The following PARD3B variants were observed in gnomAD, a reference collection of about 807,000 sequenced individuals.
The protein encoded by PARD3B is partitioning defective 3 homolog B.
A neutral mutation model predicts 130.2 loss-of-function variants in PARD3B; 103 were observed. The ratio of observed to expected loss-of-function variants is 0.79; its 90% CI spans 0.67 to 0.93. PARD3B has a LOEUF of 0.93. Among genes scored for constraint, PARD3B ranks in the 40% least tolerant of loss-of-function variants. PARD3B has a pLI of 0.00. For synonymous variants in PARD3B, 583 were observed against 553.2 expected (o/e 1.05, Z -0.76); for missense variants, 1,609 against 1,499.2 (o/e 1.07, Z -1.21).
intron 2 of PARD3B, among the ~76,000 whole-genome samples, chr2:204,809,444 A>G (rs1432219086): frequency 6.6e-6 from 1 of 151,984 alleles, no homozygotes; most frequent in Non-Finnish European, 1.5e-5. Flanking sequence ...TCTTGAGTTG[A>G]TTTTTGTATA....
intron 2 of PARD3B, among the ~76,000 whole-genome samples, chr2:204,914,779 A>G (rs1163767725): frequency 6.6e-6 from 1 of 152,214 alleles, no homozygotes; most frequent in Non-Finnish European, 1.5e-5. Flanking sequence ...GGGGCAGGGA[A>G]TGAATTTCCA....
At chr2:205,104,096 T>TC (rs1703022459) in intron 4 of PARD3B, among the ~76,000 whole-genome samples, 1 of 151,932 alleles carries the variant, frequency 6.6e-6, no homozygotes, top group African/African-American at 2.4e-5. Flanking sequence ...GTCACCAGAG[T>TC]CCCCCCTTTG....
chr2:205,254,505 G>GT (rs1448057987), intron 16 of PARD3B, among the ~76,000 whole-genome samples: 2 of 152,094 alleles, frequency 1.3e-5, no homozygotes, highest in Non-Finnish European at 2.9e-5. Flanking sequence ...GATGAAGGGT[G>GT]TTTAGGTGTA....
intron 1 of PARD3B, among the ~76,000 whole-genome samples, chr2:204,553,341 A>C (rs2030611856): frequency 6.6e-6 from 1 of 152,056 alleles, no homozygotes; most frequent in Admixed American, 6.6e-5. Context: ...AATAGTGTGG[A>C]GGTTCCTTAA....
chr2:205,342,885 G>T (rs2043594848), intron 18 of PARD3B, among the ~76,000 whole-genome samples: 1 of 152,030 alleles, frequency 6.6e-6, no homozygotes, highest in African/African-American at 2.4e-5. Flanking sequence ...ACGGAAAATT[G>T]CTTTCCACAA....
intron 18 of PARD3B, among the ~76,000 whole-genome samples, chr2:205,389,831 G>A (rs1179708260): frequency 6.6e-6 from 1 of 152,130 alleles, no homozygotes; most frequent in Non-Finnish European, 1.5e-5. Context: ...GTTTTTTATA[G>A]AAGACATCTT....
At chr2:204,987,197 A>G (rs542454127) in intron 3 of PARD3B, among the ~76,000 whole-genome samples, 4 of 152,338 alleles carry the variant, frequency 2.6e-5, no homozygotes, top group Admixed American at 2.0e-4. Context: ...CCTAAAAGAA[A>G]AAAATGAAAG....
At chr2:205,599,433 T>G (rs1023903054) in intron 22 of PARD3B, among the ~76,000 whole-genome samples, 3 of 152,196 alleles carry the variant, frequency 2.0e-5, no homozygotes, top group Admixed American at 6.5e-5. Flanking sequence ...TCTCACTGCC[T>G]GATGAGTATA....
At chr2:205,034,229 T>C (rs2125370048) in intron 3 of PARD3B, among the ~76,000 whole-genome samples, 1 of 152,292 alleles carries the variant, frequency 6.6e-6, no homozygotes, top group Non-Finnish European at 1.5e-5. Flanking sequence ...GGCATGCCTC[T>C]GTTGAGTGCC....
chr2:204,563,875 G>A (rs1245451756), intron 1 of PARD3B, among the ~76,000 whole-genome samples: 2 of 152,118 alleles, frequency 1.3e-5, no homozygotes, highest in East Asian at 1.9e-4. Context: ...CCGGGTTCAC[G>A]CCATTCTCCT....
At chr2:204,998,067 A>G (rs1380168388) in intron 3 of PARD3B, among the ~76,000 whole-genome samples, 2 of 149,506 alleles carry the variant, frequency 1.3e-5, no homozygotes, top group African/African-American at 2.4e-5. Context: ...GTTGCCACCA[A>G]TTCTGTTCAG....
rs550832405 is a variant in PARD3B at position 205,000,155 on chromosome 2, A to G, written c.394+34832A>G. The stretch of plus-strand genomic sequence containing the variant: ...TTATTATATAAAACACAGACTGACC[A>G]AGGCAGATACCACATGCTAGAAGAG... On this transcript the variant is annotated intron_variant, in intron 3 of 22. Transcript: ENST00000406610. Among the ~76,000 whole-genome samples the G allele has an allele frequency of 3.9e-5, 6 of 152,318 alleles. No individual in the cohort carries two copies. The South Asian group carries it at 1.2e-3, about 32-fold the overall frequency.
At chr2:204,971,598 T>G (rs966159456) in intron 3 of PARD3B, among the ~76,000 whole-genome samples, 5 of 151,978 alleles carry the variant, frequency 3.3e-5, no homozygotes, top group Non-Finnish European at 7.4e-5. Flanking sequence ...TCTTTTTTTT[T>G]CCTTTCCTTC....
intron 15 of PARD3B, among the ~76,000 whole-genome samples, chr2:205,238,890 A>ATATATATATATATATATGTATGTGTG (rs1559575161): frequency 1.9e-5 from 2 of 102,728 alleles, no homozygotes; most frequent in African/African-American, 8.5e-5. Flanking sequence ...ATGTGTGTAT[A>ATATATATATATATATATGTATGTGTG]TATATATATA....
intron 2 of PARD3B, among the ~76,000 whole-genome samples, chr2:204,917,450 C>A (rs1009738693): frequency 1.3e-5 from 2 of 152,120 alleles, no homozygotes; most frequent in African/African-American, 4.8e-5. Context: ...CCAGAACTAA[C>A]AATAGGACCA....
At chr2:204,974,813 A>G (rs1228453456) in intron 3 of PARD3B, among the ~76,000 whole-genome samples, 2 of 152,230 alleles carry the variant, frequency 1.3e-5, no homozygotes, top group Non-Finnish European at 2.9e-5. Flanking sequence ...TCAAGTGTCA[A>G]TGCCAGAGAA....
At chr2:205,482,814 C>T (rs1308849293) in intron 20 of PARD3B, 2 of 152,168 alleles carry the variant, frequency 1.3e-5, no homozygotes, top group Non-Finnish European at 1.5e-5. Context: ...AAAGTACTGA[C>T]GTCACCATGC....
At chr2:205,284,207 T>C (rs1449071612) in intron 16 of PARD3B, among the ~76,000 whole-genome samples, 6 of 152,226 alleles carry the variant, frequency 3.9e-5, no homozygotes. Flanking sequence ...CTTGCACCTC[T>C]AATTTTTCAG....
chr2:204,745,180 G>A (rs2040164108), intron 2 of PARD3B, among the ~76,000 whole-genome samples: 1 of 152,062 alleles, frequency 6.6e-6, no homozygotes, highest in African/African-American at 2.4e-5. Flanking sequence ...ATCCTGTTCT[G>A]GTGATGCCAG....
Sources: gnomAD v4.1 joint callset for allele counts (sites outside exome capture counted in the v4.1 genomes callset) on GRCh38, gnomAD v4.1.1 for gene constraint, MANE v1.5 for transcripts, NCBI Gene and HGNC (gene_info 2026-07-23, HGNC 2026-07-21) for gene names.